ERI1: variants seen among roughly 807,000 people sequenced by gnomAD.
ERI1 encodes the protein 3'-5' exoribonuclease 1.
ERI1 carries 39 observed loss-of-function variants against 39.7 expected under a neutral mutation model. The observed-to-expected ratio is 0.98, with a 90% CI of 0.76 to 1.28. The LOEUF (loss-of-function observed/expected upper bound fraction) is 1.28, where lower values mean the gene tolerates loss of function less well. Ranked by LOEUF, ERI1 falls within the 50% of genes most tolerant of loss-of-function variation. The pLI, the probability that ERI1 is intolerant of heterozygous loss-of-function variation, is 0.00. For synonymous variants in ERI1, 204 were observed against 149.6 expected (o/e 1.36, Z -2.65); for missense variants, 581 against 416.9 (o/e 1.39, Z -3.43).
intron 3 of ERI1, among the ~76,000 whole-genome samples, chr8:9,059,463 G>C (rs1467457810): frequency 6.6e-6 from 1 of 152,166 alleles, no homozygotes; most frequent in African/African-American, 2.4e-5. Flanking sequence ...TGGGAATCTA[G>C]AATGGGAGAG....
chr8:9,053,355 C>A (rs1441721226), intron 3 of ERI1, among the ~76,000 whole-genome samples: 1 of 152,104 alleles, frequency 6.6e-6, no homozygotes, highest in Admixed American at 6.6e-5. Flanking sequence ...TAAGTCATGA[C>A]ACCTCAATAA....
intron 6 of ERI1, among the ~76,000 whole-genome samples, chr8:9,026,992 G>T (rs541442216): frequency 2.0e-5 from 3 of 152,216 alleles, no homozygotes; most frequent in African/African-American, 7.2e-5. Context: ...AATAGGAGTT[G>T]GTGGAGCATG....
chr8:9,024,542 T>C (rs762826448), intron 6 of ERI1, among the ~76,000 whole-genome samples: 1 of 152,106 alleles, frequency 6.6e-6, no homozygotes, highest in African/African-American at 2.4e-5. Flanking sequence ...TGCCTCAGCG[T>C]CTCAAGTAGC....
At chr8:9,079,961 A>G (rs916244534) in intron 3 of ERI1, among the ~76,000 whole-genome samples, 6 of 149,382 alleles carry the variant, frequency 4.0e-5, no homozygotes, top group Non-Finnish European at 8.9e-5. Context: ...GTAAGCCACT[A>G]TGCTTGGCCC....
At chr8:9,054,708 T>G (rs1342424863) in intron 3 of ERI1, among the ~76,000 whole-genome samples, 1 of 152,250 alleles carries the variant, frequency 6.6e-6, no homozygotes, top group African/African-American at 2.4e-5. Flanking sequence ...GCAGATCACT[T>G]GAGGCCAAGA....
chr8:9,068,010 A>T (rs531696446), intron 3 of ERI1, among the ~76,000 whole-genome samples: 1 of 152,302 alleles, frequency 6.6e-6, no homozygotes, highest in African/African-American at 2.4e-5. Flanking sequence ...TCCCCCAAGC[A>T]AGAAGTTTCC....
At chr8:9,054,461 C>T (rs1001556938) in intron 3 of ERI1, among the ~76,000 whole-genome samples, 5 of 152,166 alleles carry the variant, frequency 3.3e-5, no homozygotes, top group South Asian at 2.1e-4. Flanking sequence ...TCCTCCCCAT[C>T]GTAAGGCTCA....
intron 1 of ERI1, chr8:9,004,073 G>A: frequency 7.8e-7 from 1 of 1,289,190 alleles, no homozygotes; most frequent in Non-Finnish European, 1.0e-6. Flanking sequence ...TTTGTTCCCA[G>A]TGCCCCTCGC....
In ERI1 at chr8:9,008,160, T is replaced by C. The variant is rs753809425; in HGVS notation, c.287+12T>C. 2 of 1,547,860 alleles carry C rather than the reference T, an allele frequency of 1.3e-6. No individual in the cohort carries two copies. Among genetic ancestry groups the C allele is most frequent in the Non-Finnish European group, 1.7e-6 (2 of 1,149,094 alleles). ...AAGCTTGAAACTAGGTAATTAAAAA[T>C]AACTTATAAAATTATAAAAGTAGTA... On this transcript the variant is annotated intron_variant, in intron 2 of 6. Coordinates refer to ENST00000250263, the MANE Select transcript of ERI1 (RefSeq NM_153332.4).
At chr8:9,075,972 G>A (rs1563090662) in intron 3 of ERI1, among the ~76,000 whole-genome samples, 1 of 151,878 alleles carries the variant, frequency 6.6e-6, no homozygotes, top group Non-Finnish European at 1.5e-5. Flanking sequence ...GTGTCACCCA[G>A]GCTGGAGTGC....
At chr8:9,019,980 C>CT (rs1432500506) in intron 5 of ERI1, among the ~76,000 whole-genome samples, 4 of 152,120 alleles carry the variant, frequency 2.6e-5, no homozygotes, top group Non-Finnish European at 5.9e-5. Context: ...GCTTTTGTTT[C>CT]TTTCATTTTT....
intron 3 of ERI1, among the ~76,000 whole-genome samples, chr8:9,086,976 G>A (rs1401710062): frequency 6.6e-6 from 1 of 151,998 alleles, no homozygotes; most frequent in Non-Finnish European, 1.5e-5. Context: ...TTAGTGCTGG[G>A]CGGTAGGATT....
chr8:9,045,235 C>CAAA (rs5889258), intron 3 of ERI1, among the ~76,000 whole-genome samples: 10,956 of 75,510 alleles, frequency 0.15, 636 homozygotes, highest in Non-Finnish European at 0.18. Context: ...GACTCTGTCT[C>CAAA]AAAAAAAAAA....
chr8:9,018,484 A>T (rs1817536429), intron 5 of ERI1, 78 bp downstream of exon 5: 1 of 822,648 alleles, frequency 1.2e-6, no homozygotes, highest in Non-Finnish European at 1.9e-6. Context: ...GATTTTTAGA[A>T]TAACCACAAA....
chr8:9,054,410 T>C (rs1009988173), intron 3 of ERI1, among the ~76,000 whole-genome samples: 2 of 152,212 alleles, frequency 1.3e-5, no homozygotes, highest in African/African-American at 4.8e-5. Context: ...CTTTATGTAA[T>C]TGGAGTGAGG....
chr8:9,013,475 C>T (rs946081316), intron 3 of ERI1, among the ~76,000 whole-genome samples: 1 of 152,032 alleles, frequency 6.6e-6, no homozygotes, highest in Non-Finnish European at 1.5e-5. Context: ...TTCCTCCTTT[C>T]CTTCCCAGCT....
At chr8:9,070,557 A>C (rs985672764) in intron 3 of ERI1, among the ~76,000 whole-genome samples, 1 of 152,206 alleles carries the variant, frequency 6.6e-6, no homozygotes, top group African/African-American at 2.4e-5. Flanking sequence ...CAGAACTACT[A>C]GTATGGAACA....
chr8:9,074,259 C>T lies in ERI1; in HGVS notation n.300-42089C>T, dbSNP rs974245500. ...CCGAGTAGCCTGGATTACAGGCACC[C>T]GCCACCATGCCTGGCTAATTTTTTT... On this transcript the variant is annotated intron_variant and non_coding_transcript_variant, in intron 3 of 3. Transcript: ENST00000518663. Among the ~76,000 whole-genome samples the T allele has an allele frequency of 3.3e-5, 5 of 151,876 alleles. No individual in the cohort carries two copies. The South Asian group carries it at 6.2e-4, about 19-fold the overall frequency.
At chr8:9,039,718 C>G (rs948488668) in intron 3 of ERI1, among the ~76,000 whole-genome samples, 1 of 152,128 alleles carries the variant, frequency 6.6e-6, no homozygotes, top group African/African-American at 2.4e-5. Context: ...TTAACTTTTA[C>G]TAGGATTACG....
Sources: gnomAD v4.1 joint callset for allele counts (sites outside exome capture counted in the v4.1 genomes callset) on GRCh38, gnomAD v4.1.1 for gene constraint, MANE v1.5 for transcripts, NCBI Gene and HGNC (gene_info 2026-07-23, HGNC 2026-07-21) for gene names.